KIF21A: variants seen among roughly 807,000 people sequenced by gnomAD.
KIF21A encodes kinesin-like protein KIF21A.
A neutral mutation model predicts 202.9 loss-of-function variants in KIF21A; 114 were observed. That is an observed-to-expected ratio of 0.56 (90% CI 0.48 to 0.66). The LOEUF (loss-of-function observed/expected upper bound fraction) is 0.66, where lower values mean the gene tolerates loss of function less well. Among genes scored for constraint, KIF21A ranks in the 30% least tolerant of loss-of-function variants. The pLI, the probability that KIF21A is intolerant of heterozygous loss-of-function variation, is 0.00. For missense variants in KIF21A, 1,677 were observed against 1,994.9 expected, an observed-to-expected ratio of 0.84 and a Z score of 3.04; for synonymous variants, 667 against 670.8, an observed-to-expected ratio of 0.99 and a Z score of 0.09.
chr12:39,406,808 C>T (rs1952627842), intron 1 of KIF21A, among the ~76,000 whole-genome samples: 1 of 152,160 alleles, frequency 6.6e-6, no homozygotes, highest in African/African-American at 2.4e-5. Context: ...GCCCTCAGCA[C>T]TATCAAAAGA....
At chr12:39,371,722 G>C (rs1394492466) in intron 1 of KIF21A, among the ~76,000 whole-genome samples, 2 of 152,080 alleles carry the variant, frequency 1.3e-5, no homozygotes, top group Non-Finnish European at 2.9e-5. Context: ...TTGAGGTCAG[G>C]AGTTTCAGAC....
At chr12:39,295,451 T>C (rs1430255679) in intron 37 of KIF21A, among the ~76,000 whole-genome samples, 2 of 152,086 alleles carry the variant, frequency 1.3e-5, no homozygotes, top group Non-Finnish European at 2.9e-5. Flanking sequence ...ATGTATTCCA[T>C]CCCAAGGGAA....
chr12:39,391,414 T>A (rs1330273181), intron 1 of KIF21A, among the ~76,000 whole-genome samples: 1 of 151,966 alleles, frequency 6.6e-6, no homozygotes, highest in Non-Finnish European at 1.5e-5. Flanking sequence ...CTGAACTAAA[T>A]TTAGTGGTGT....
Position 39,400,311 on chromosome 12 carries a change from A to C in KIF21A, c.45-30050T>G, listed in dbSNP as rs1339781514. On this transcript the variant is annotated intron_variant, in intron 1 of 37. Coordinates refer to ENST00000361418, the MANE Select transcript of KIF21A (RefSeq NM_001173464.2). Reference sequence around the variant, plus strand: ...ACTTCTATTTTACATTCCGGGGTACATGTGCAGGATGTGCTGGATTATTAC... The same window carrying C: ...ACTTCTATTTTACATTCCGGGGTACCTGTGCAGGATGTGCTGGATTATTAC... Among the ~76,000 whole-genome samples the C allele has an allele frequency of 2.0e-5, 3 of 152,120 alleles. No individual in the cohort carries two copies. The South Asian group carries it at 6.2e-4, about 32-fold the overall frequency.
At chr12:39,434,033 G>A (rs544201112) in intron 1 of KIF21A, among the ~76,000 whole-genome samples, 31 of 152,268 alleles carry the variant, frequency 2.0e-4, no homozygotes, top group African/African-American at 6.3e-4. Context: ...CATGCCCATC[G>A]TTGGTGTCCT....
At chr12:39,418,996 G>A (rs982966370) in intron 1 of KIF21A, among the ~76,000 whole-genome samples, 8 of 152,118 alleles carry the variant, frequency 5.3e-5, no homozygotes, top group South Asian at 2.1e-4. Context: ...TCTCTTAAGC[G>A]GAAAAGGCAC....
chr12:39,330,134 C>T, intron 24 of KIF21A, 108 bp downstream of exon 24: 1 of 1,057,716 alleles, frequency 9.5e-7, no homozygotes, highest in Non-Finnish European at 1.5e-6. Flanking sequence ...GCAAAAACCA[C>T]TTGACCGCCA....
In KIF21A at chr12:39,357,414, C is replaced by T; in HGVS notation, c.1239G>A (p.Glu413=). 5 of 1,614,014 alleles carry T rather than the reference C, an allele frequency of 3.1e-6. No individual in the cohort carries two copies. The highest frequency in any genetic ancestry group is 4.2e-6 in the Non-Finnish European group (5 of 1,179,902). The change falls in exon 9 of 38, where the codon GAG becomes GAA. Residue 413 remains glutamate, a synonymous_variant. Transcript: ENST00000361418. ...ACATGTCATTGATGCTTTCCACACC[C>T]TCTTCGTCAATTATTCTTTTACCCT... ...YKTGKRIIDE[E]GVESINDMFH... is the part of the protein sequence containing the mutation.
In KIF21A at chr12:39,442,595, C is replaced by A. The variant is rs1213610802; in HGVS notation, c.44+332G>T. Among the ~76,000 whole-genome samples the A allele has an allele frequency of 6.6e-6, 1 of 152,202 alleles. No homozygotes were observed. The highest frequency in any genetic ancestry group is 1.5e-5 in the Non-Finnish European group (1 of 68,030). ...AGGCGATAGCCCAAGGCGGCCAGAC[C>A]TGAGGTGACTGATCCCGCGAGGGGA... On this transcript the variant is annotated intron_variant, in intron 1 of 37. Transcript: ENST00000361418. This position sits in a 1 kb window ranked among gnomAD's most constrained non-coding sequence, Gnocchi z 5.0.
intron 12 of KIF21A, among the ~76,000 whole-genome samples, chr12:39,343,228 C>T (rs182174351): frequency 1.4e-4 from 22 of 152,100 alleles, no homozygotes; most frequent in African/African-American, 3.1e-4. Context: ...GGCATAGTGA[C>T]GCACACTTGT....
intron 17 of KIF21A, among the ~76,000 whole-genome samples, chr12:39,334,061 C>T (rs1946731735): frequency 6.6e-6 from 1 of 151,646 alleles, no homozygotes; most frequent in Non-Finnish European, 1.5e-5. Context: ...ATTAGCCAGG[C>T]ATGGTGGCAC....
chr12:39,315,160 T>C, intron 31 of KIF21A, 69 bp downstream of exon 31: 1 of 1,416,946 alleles, frequency 7.1e-7, no homozygotes, highest in Non-Finnish European at 1.0e-6. Flanking sequence ...TTATTTTTGT[T>C]CCATGCAAAC....
intron 1 of KIF21A, among the ~76,000 whole-genome samples, chr12:39,378,126 T>G (rs2139359632): frequency 6.6e-6 from 1 of 152,304 alleles, no homozygotes; most frequent in African/African-American, 2.4e-5. Context: ...TTTATTTCCC[T>G]CAAGTACAGT....
intron 11 of KIF21A, among the ~76,000 whole-genome samples, chr12:39,348,339 TTTAA>T (rs1367784615): frequency 5.3e-5 from 8 of 152,036 alleles, no homozygotes; most frequent in South Asian, 4.1e-4. Flanking sequence ...TGCCACATAG[TTTAA>T]TTGTTATTTT....
At position 39,369,802 on chromosome 12, in the gene KIF21A, T is replaced by C. The variant is rs1949834077; in HGVS notation, c.377A>G (p.Glu126Gly). 1 of 1,613,096 alleles carries C rather than the reference T, an allele frequency of 6.2e-7. No individual in the cohort carries two copies. Among genetic ancestry groups the C allele is most frequent in the Non-Finnish European group, 8.5e-7 (1 of 1,179,442 alleles). ...TTTAATTGCTATGTGTTTTTTTTCTTCAATACTCTTAAAAAGGTGTTTAAC... is the reference window on the plus strand; with the variant it reads ...TTTAATTGCTATGTGTTTTTTTTCTCCAATACTCTTAAAAAGGTGTTTAAC... The part of the protein sequence containing the change: ...RAVKHLFKSI[E>G]EKKHIAIKNG... The change falls in exon 3 of 38, where the codon GAA becomes GGA. Residue 126 changes from glutamate (E) to glycine (G), a missense_variant. Around this residue, in one of 3 missense-constraint regions of KIF21A, gnomAD observed 966 missense variants for 1,180.9 expected, o/e 0.82. Transcript: ENST00000361418.
chr12:39,322,650 T>G lies in KIF21A; in HGVS notation c.3671+18A>C. Reference sequence around the variant, plus strand: ...AAAGCCAAAAGAAAAGAAGTTAGTGTAGCTGGGCCAAACTTACATGCTGCC... The same window carrying G: ...AAAGCCAAAAGAAAAGAAGTTAGTGGAGCTGGGCCAAACTTACATGCTGCC... On this transcript the variant is annotated intron_variant, in intron 27 of 37. Transcript: ENST00000361418. 6.2e-7 allele frequency: 1 copy of G among 1,602,044 alleles called. No individual in the cohort carries two copies. Among genetic ancestry groups the G allele is most frequent in the Non-Finnish European group, 8.6e-7 (1 of 1,169,192 alleles).
Position 39,340,323 on chromosome 12 carries a change from T to C in KIF21A, c.2152A>G (p.Arg718Gly), listed in dbSNP as rs750788580. The C allele has an allele frequency of 6.2e-7, 1 of 1,611,644 alleles. No individual in the cohort carries two copies. The highest frequency in any genetic ancestry group is 1.1e-5 in the South Asian group (1 of 90,816). The change falls in exon 16 of 38, where the codon AGG (arginine) becomes GGG (glycine). Residue 718 changes from arginine (R) to glycine (G), a missense_variant. Around this residue, in one of 3 missense-constraint regions of KIF21A, gnomAD observed 966 missense variants for 1,180.9 expected, o/e 0.82. Coordinates refer to ENST00000361418, the MANE Select transcript of KIF21A (RefSeq NM_001173464.2). Reference sequence around the variant, plus strand: ...TGGAGTTTCTTTTCATATTCAGACCTAACTTTTTTTGCTTTTTCTTCTGAG... The same window carrying C: ...TGGAGTTTCTTTTCATATTCAGACCCAACTTTTTTTGCTTTTTCTTCTGAG... ...SYSEEKAKKVRSEYEKKLQAM... is the reference protein window; with the variant it reads ...SYSEEKAKKVGSEYEKKLQAM...
At chr12:39,440,637 T>C (rs926587407) in intron 1 of KIF21A, among the ~76,000 whole-genome samples, 4 of 152,222 alleles carry the variant, frequency 2.6e-5, no homozygotes, top group African/African-American at 9.6e-5. Context: ...ACTTTATAAA[T>C]ACTAAAGTGC....
intron 32 of KIF21A, among the ~76,000 whole-genome samples, 191 bp from the exon 33 acceptor site, chr12:39,309,957 G>A (rs1007975074): frequency 4.6e-5 from 7 of 152,018 alleles, no homozygotes; most frequent in Non-Finnish European, 1.0e-4. Context: ...ATGTGTAAAG[G>A]ATCAGATAAA....
Sources: allele counts gnomAD v4.1 joint callset (sites outside exome capture counted in the v4.1 genomes callset), GRCh38; gene constraint gnomAD v4.1.1; regional missense constraint gnomAD v4.1.1; non-coding constraint Gnocchi (gnomAD v3.1); transcripts MANE v1.5; gene names NCBI Gene and HGNC (gene_info 2026-07-23, HGNC 2026-07-21).